The following GRK5 variants were observed in gnomAD, a reference collection of about 807,000 sequenced individuals.
GRK5 encodes the protein G protein-coupled receptor kinase 5.
In GRK5, 40 loss-of-function variants were observed where a neutral mutation model predicts 78.4. The ratio of observed to expected loss-of-function variants is 0.51; its 90% CI spans 0.40 to 0.66. The LOEUF (loss-of-function observed/expected upper bound fraction) is 0.66, where lower values mean the gene tolerates loss of function less well. GRK5 is among the 30% of genes least tolerant of loss of function. The probability of loss-of-function intolerance (pLI) is 0.00; values close to 1 mark genes in which losing one functional copy is unlikely to be tolerated. For synonymous variants in GRK5, 289 were observed against 296.8 expected, an observed-to-expected ratio of 0.97 and a Z score of 0.27; for missense variants, 598 against 759.9, an observed-to-expected ratio of 0.79 and a Z score of 2.50.
chr10:119,416,582 T>G (rs887688876), intron 4 of GRK5, among the ~76,000 whole-genome samples: 1 of 40,296 alleles, frequency 2.5e-5, no homozygotes, highest in African/African-American at 1.0e-4. Flanking sequence ...GATCGCTCTC[T>G]CTCTCTCTTT....
At chr10:119,314,541 A>G (rs541549423) in intron 1 of GRK5, among the ~76,000 whole-genome samples, 1 of 152,316 alleles carries the variant, frequency 6.6e-6, no homozygotes, top group East Asian at 1.9e-4. Context: ...TCCTATGCTC[A>G]GCTAGGAAAG....
rs533449380 is a variant in GRK5 at position 119,311,811 on chromosome 10, G to A, written c.53-14705G>A. Among the ~76,000 whole-genome samples, 66 of 151,546 alleles carry A rather than the reference G, an allele frequency of 4.4e-4. No homozygotes were observed. In the South Asian group the frequency reaches 7.7e-3, roughly 18 times the overall value. ...CCAAAAAAAAAAAAGAGTGAGTAGA[G>A]GATTTTCCTTCCTAGTGACAGAAAT... is the stretch of plus-strand genomic sequence containing the variant. On this transcript the variant is annotated intron_variant, in intron 1 of 15. Coordinates refer to ENST00000392870, the MANE Select transcript of GRK5 (RefSeq NM_005308.3).
chr10:119,420,613 G>T lies in GRK5; in HGVS notation c.340-2553G>T, dbSNP rs563010208. On this transcript the variant is annotated intron_variant, in intron 4 of 15. Transcript: ENST00000392870. ...TTTTCTTTTGAGACAGGGTCTCACC[G>T]TGTTGCCTAGGCTGTAGTGCAGTGG... Among the ~76,000 whole-genome samples the T allele has an allele frequency of 5.5e-5, 8 of 144,186 alleles. No individual in the cohort carries two copies. In the Admixed American group the frequency reaches 5.7e-4, roughly 10 times the overall value. 94.6% of individuals were successfully genotyped at this position (144,186 alleles called of 152,430 possible). A position where few individuals can be genotyped will look rare whatever the true frequency, so the allele number is the denominator to read the frequency against.
At chr10:119,208,971 G>T (rs1214680471) in intron 1 of GRK5, among the ~76,000 whole-genome samples, 2 of 152,088 alleles carry the variant, frequency 1.3e-5, no homozygotes, top group African/African-American at 4.8e-5. Flanking sequence ...AAAAGGGGAA[G>T]AGGTTTTTCC....
At chr10:119,374,080 T>G (rs189521736) in intron 2 of GRK5, among the ~76,000 whole-genome samples, 390 of 152,140 alleles carry the variant, frequency 2.6e-3, no homozygotes, top group African/African-American at 9.0e-3. Flanking sequence ...ATGGAAACAG[T>G]TTTTGGAATC....
At chr10:119,420,053 A>G (rs939629986) in intron 4 of GRK5, among the ~76,000 whole-genome samples, 6 of 152,156 alleles carry the variant, frequency 3.9e-5, no homozygotes, top group African/African-American at 7.2e-5. Flanking sequence ...TAGACACCCA[A>G]CCTAGGTTCA....
chr10:119,309,347 G>A (rs1850324446), intron 1 of GRK5, among the ~76,000 whole-genome samples: 1 of 152,212 alleles, frequency 6.6e-6, no homozygotes, highest in Admixed American at 6.5e-5. Context: ...CTGCACAGTG[G>A]ATGGAAGAAC....
intron 1 of GRK5, among the ~76,000 whole-genome samples, chr10:119,279,060 T>C (rs1849714117): frequency 6.6e-6 from 1 of 151,976 alleles, no homozygotes; most frequent in African/African-American, 2.4e-5. Context: ...TGTATTTTTT[T>C]TAGTAGAGAC....
rs1236220855 is a variant in GRK5 at position 119,425,065 on chromosome 10, C to G, written c.513C>G (p.Leu171=). ...ACAGCATGTTTTTTGACCGCTTTCT[C>G]CAGTGGAAGTGGTTGGAAAGGTGAG... The part of the protein sequence containing the change: ...YLDSMFFDRF[L]QWKWLERQPV... Residue 171 remains leucine, a synonymous_variant, in exon 6 of 16, where the codon CTC becomes CTG. Transcript: ENST00000392870. 1 of 1,613,418 alleles carries G rather than the reference C, an allele frequency of 6.2e-7. No homozygotes were observed. Among genetic ancestry groups the G allele is most frequent in the Non-Finnish European group, 8.5e-7 (1 of 1,179,392 alleles).
intron 1 of GRK5, among the ~76,000 whole-genome samples, chr10:119,256,275 G>A (rs1246627715): frequency 2.0e-5 from 3 of 152,116 alleles, no homozygotes; most frequent in South Asian, 2.1e-4. Flanking sequence ...CCCTCTGGGC[G>A]GACCCCCCCA....
At chr10:119,370,042 A>G (rs1851522817) in intron 2 of GRK5, among the ~76,000 whole-genome samples, 1 of 152,164 alleles carries the variant, frequency 6.6e-6, no homozygotes, top group Non-Finnish European at 1.5e-5. Context: ...TGGTGATGGT[A>G]TAGTCCATGT....
At chr10:119,395,881 G>T (rs537893839) in intron 3 of GRK5, among the ~76,000 whole-genome samples, 2 of 152,058 alleles carry the variant, frequency 1.3e-5, no homozygotes, top group South Asian at 2.1e-4. Flanking sequence ...CCTTCCCACC[G>T]CCGGCCCTCG....
chr10:119,284,674 G>A (rs1190329464), intron 1 of GRK5, among the ~76,000 whole-genome samples: 1 of 152,188 alleles, frequency 6.6e-6, no homozygotes, highest in Non-Finnish European at 1.5e-5. Context: ...TGAATATTGG[G>A]AGTTGTTAGC....
At chr10:119,385,145 G>A (rs980699614) in intron 3 of GRK5, among the ~76,000 whole-genome samples, 1 of 152,178 alleles carries the variant, frequency 6.6e-6, no homozygotes, top group African/African-American at 2.4e-5. Flanking sequence ...GGGTAGGAGA[G>A]GAGGTGATCA....
At chr10:119,425,363 A>G (rs1049376826) in intron 6 of GRK5, among the ~76,000 whole-genome samples, 4 of 152,078 alleles carry the variant, frequency 2.6e-5, no homozygotes, top group African/African-American at 9.7e-5. Context: ...TGTCTTTGTC[A>G]GCAAATAAAG....
chr10:119,261,159 G>A, intron 1 of GRK5, among the ~76,000 whole-genome samples: 1 of 150,756 alleles, frequency 6.6e-6, no homozygotes, highest in African/African-American at 2.4e-5. Flanking sequence ...CTGCCGGGCG[G>A]AGAGGCTCCT....
In GRK5 at chr10:119,439,769, G is replaced by A; in HGVS notation, c.967+1G>A. Reference sequence around the variant, plus strand: ...GAAAACATCCTGTTAGATGATTATGGTAAGTCTTTTCCTACTCGGTAGCTG... The same window carrying A: ...GAAAACATCCTGTTAGATGATTATGATAAGTCTTTTCCTACTCGGTAGCTG... On this transcript the variant is annotated splice_donor_variant, in intron 10 of 15. Coordinates refer to ENST00000392870, the MANE Select transcript of GRK5 (RefSeq NM_005308.3). LOFTEE classifies it high-confidence loss of function. 4 of 1,613,782 alleles carry A rather than the reference G, an allele frequency of 2.5e-6. No individual in the cohort carries two copies. The highest frequency in any genetic ancestry group is 3.4e-6 in the Non-Finnish European group (4 of 1,179,840).
chr10:119,223,383 A>T (rs1050005291), intron 1 of GRK5, among the ~76,000 whole-genome samples: 2 of 152,174 alleles, frequency 1.3e-5, no homozygotes, highest in African/African-American at 4.8e-5. Context: ...GGACGCAGTG[A>T]ACCCTGGAAC....
At chr10:119,359,931 G>A (rs1851331237) in intron 2 of GRK5, among the ~76,000 whole-genome samples, 1 of 152,056 alleles carries the variant, frequency 6.6e-6, no homozygotes, top group Non-Finnish European at 1.5e-5. Flanking sequence ...CTGAAGGGAG[G>A]TTGAGGAGAT....
Sources: gnomAD v4.1 joint callset for allele counts (sites outside exome capture counted in the v4.1 genomes callset) on GRCh38, gnomAD v4.1.1 for gene constraint, MANE v1.5 for transcripts, NCBI Gene and HGNC (gene_info 2026-07-23, HGNC 2026-07-21) for gene names.